SGCZ: variants seen among roughly 807,000 people sequenced by gnomAD.
SGCZ encodes zeta-sarcoglycan.
Under a neutral mutation model 41.3 loss-of-function variants are expected in SGCZ, and 40 were observed. The ratio of observed to expected loss-of-function variants is 0.97; its 90% confidence interval spans 0.75 to 1.26. The LOEUF (loss-of-function observed/expected upper bound fraction) is 1.26. Among genes scored for constraint, SGCZ ranks in the 50% most tolerant of loss-of-function variants. The pLI is 0.00. For missense variants in SGCZ, 552 were observed against 369.8 expected, an observed-to-expected ratio of 1.49 and a Z score of -4.04; for synonymous variants, 206 against 137.5, an observed-to-expected ratio of 1.50 and a Z score of -3.49.
At chr8:14,130,056 TCA>T (rs1383098211) in intron 5 of SGCZ, among the ~76,000 whole-genome samples, 30 of 152,244 alleles carry the variant, frequency 2.0e-4, no homozygotes, top group African/African-American at 7.0e-4. Flanking sequence ...GTCAAATAAC[TCA>T]CAGTTTCTGA....
intron 1 of SGCZ, among the ~76,000 whole-genome samples, chr8:14,671,099 T>C (rs1779994478): frequency 6.6e-6 from 1 of 152,208 alleles, no homozygotes; most frequent in South Asian, 2.1e-4. Flanking sequence ...TGGATTTATA[T>C]ATGTAATAGT....
chr8:14,735,349 C>G (rs1798995820), intron 1 of SGCZ, among the ~76,000 whole-genome samples: 1 of 152,154 alleles, frequency 6.6e-6, no homozygotes, highest in African/African-American at 2.4e-5. Flanking sequence ...TGGGCACCAT[C>G]CAATTGGCCG....
intron 3 of SGCZ, among the ~76,000 whole-genome samples, chr8:14,267,581 A>C (rs1486395699): frequency 6.6e-6 from 1 of 151,972 alleles, no homozygotes; most frequent in Admixed American, 6.6e-5. Context: ...TAATATTCTT[A>C]ATTCCTCAAC....
intron 3 of SGCZ, among the ~76,000 whole-genome samples, chr8:14,295,709 G>A (rs1800986751): frequency 6.6e-6 from 1 of 152,080 alleles, no homozygotes; most frequent in Non-Finnish European, 1.5e-5. Context: ...TTTTATGAAG[G>A]TTTTCTGCCT....
intron 1 of SGCZ, among the ~76,000 whole-genome samples, chr8:15,010,848 A>G (rs1010281645): frequency 2.0e-5 from 3 of 152,162 alleles, no homozygotes; most frequent in Non-Finnish European, 4.4e-5. Context: ...GCTAAGAAAC[A>G]CGACGTGCCA....
intron 1 of SGCZ, among the ~76,000 whole-genome samples, chr8:15,058,369 A>G (rs1804793119): frequency 6.6e-6 from 1 of 152,154 alleles, no homozygotes; most frequent in Non-Finnish European, 1.5e-5. Flanking sequence ...ACATTCTTAC[A>G]TTTAAAGTTT....
chr8:14,349,516 T>A (rs1448788754), intron 2 of SGCZ, among the ~76,000 whole-genome samples: 2 of 152,112 alleles, frequency 1.3e-5, no homozygotes, highest in East Asian at 3.9e-4. Flanking sequence ...TGTGTCAATT[T>A]AGGATTTTTA....
chr8:14,125,810 A>C (rs1802836786), intron 5 of SGCZ, among the ~76,000 whole-genome samples: 1 of 152,204 alleles, frequency 6.6e-6, no homozygotes, highest in Non-Finnish European at 1.5e-5. Flanking sequence ...AGATACCAGA[A>C]GTAAGACCAC....
At chr8:14,534,950 C>T (rs370661989) in intron 2 of SGCZ, among the ~76,000 whole-genome samples, 2 of 151,986 alleles carry the variant, frequency 1.3e-5, no homozygotes, top group Middle Eastern at 6.8e-3. Flanking sequence ...AAAGTTAAAT[C>T]GATAATGCAA....
intron 5 of SGCZ, among the ~76,000 whole-genome samples, chr8:14,158,356 G>T (rs985904212): frequency 1.3e-5 from 2 of 151,982 alleles, no homozygotes; most frequent in African/African-American, 4.8e-5. Context: ...GTTTATCCTG[G>T]ATTAGCCAGG....
At chr8:14,910,485 G>GT (rs144352919) in intron 1 of SGCZ, among the ~76,000 whole-genome samples, 24 of 151,420 alleles carry the variant, frequency 1.6e-4, no homozygotes, top group East Asian at 5.8e-4. Flanking sequence ...CTTGAAATCT[G>GT]TTTTTTTTAA....
chr8:14,640,623 C>G (rs1806990217), intron 1 of SGCZ, among the ~76,000 whole-genome samples: 2 of 149,482 alleles, frequency 1.3e-5, no homozygotes, highest in East Asian at 4.0e-4. Flanking sequence ...TATATACACA[C>G]ATATATGTGC....
Position 14,184,615 on chromosome 8 carries a change from C to T in SGCZ, c.425-19913G>A, listed in dbSNP as rs545444970. On this transcript the variant is annotated intron_variant, in intron 4 of 7. Transcript: ENST00000382080. Reference sequence around the variant, plus strand: ...TTTGATTATGTTATCAATGCTACTTCCTCACTAGAGGCATCACAGTCAAGC... The same window carrying T: ...TTTGATTATGTTATCAATGCTACTTTCTCACTAGAGGCATCACAGTCAAGC... 3.9e-5 allele frequency among the ~76,000 whole-genome samples: 6 copies of T among 152,294 alleles called. No individual in the cohort carries two copies. In the South Asian group the frequency reaches 8.3e-4, roughly 21 times the overall value.
intron 4 of SGCZ, among the ~76,000 whole-genome samples, chr8:14,210,749 G>C (rs2117094555): frequency 6.6e-6 from 1 of 152,266 alleles, no homozygotes; most frequent in South Asian, 2.1e-4. Context: ...TTACAGGCGT[G>C]AGCCACTGCA....
rs563505253 is a variant in SGCZ at position 15,222,101 on chromosome 8, G to T, written c.39+15484C>A. 2.0e-5 allele frequency among the ~76,000 whole-genome samples: 3 copies of T among 152,232 alleles called. No homozygotes were observed. The East Asian group carries it at 5.8e-4, about 29-fold the overall frequency. ...TATGTAAGTTGGTTAGACTATGAAAGCATTTAAAAGAGAATCCAAAAGAGG... is the reference window on the plus strand; with the variant it reads ...TATGTAAGTTGGTTAGACTATGAAATCATTTAAAAGAGAATCCAAAAGAGG... On this transcript the variant is annotated intron_variant, in intron 1 of 7. Coordinates refer to ENST00000382080, the MANE Select transcript of SGCZ (RefSeq NM_139167.4).
At chr8:15,194,362 C>A (rs919425905) in intron 1 of SGCZ, among the ~76,000 whole-genome samples, 1 of 152,108 alleles carries the variant, frequency 6.6e-6, no homozygotes, top group African/African-American at 2.4e-5. Flanking sequence ...CAGGTAGATA[C>A]AAACTTCAAA....
chr8:14,311,319 T>C (rs773931996), intron 3 of SGCZ, among the ~76,000 whole-genome samples: 3 of 152,122 alleles, frequency 2.0e-5, no homozygotes, highest in Non-Finnish European at 2.9e-5. Context: ...AGCACCACCA[T>C]AGTTCCACAG....
chr8:14,859,779 T>C (rs1315040239), intron 1 of SGCZ, among the ~76,000 whole-genome samples: 1 of 152,094 alleles, frequency 6.6e-6, no homozygotes, highest in Non-Finnish European at 1.5e-5. Flanking sequence ...CAAAATAATC[T>C]AAAAAGGAAA....
At chr8:14,306,316 A>C (rs1057140222) in intron 3 of SGCZ, among the ~76,000 whole-genome samples, 1 of 152,224 alleles carries the variant, frequency 6.6e-6, no homozygotes, top group African/African-American at 2.4e-5. Flanking sequence ...TTCCTGCTAG[A>C]AGCTATGTAG....
Sources: gnomAD v4.1 joint callset for allele counts (sites outside exome capture counted in the v4.1 genomes callset) on GRCh38, gnomAD v4.1.1 for gene constraint, MANE v1.5 for transcripts, NCBI Gene and HGNC (gene_info 2026-07-23, HGNC 2026-07-21) for gene names.